The following ZNF326 variants were observed in gnomAD, a reference collection of about 807,000 sequenced individuals.
ZNF326 encodes zinc finger protein 326, also known as DBIRD complex subunit ZNF326.
Under a neutral mutation model 63.1 loss-of-function variants are expected in ZNF326, and 30 were observed. The ratio of observed to expected loss-of-function variants is 0.48; its 90% CI spans 0.36 to 0.64. ZNF326 has a LOEUF of 0.64. ZNF326 is among the 30% of genes least tolerant of loss of function. The probability of loss-of-function intolerance (pLI) is 0.00; values close to 1 mark genes in which losing one functional copy is unlikely to be tolerated. For synonymous variants in ZNF326, 194 were observed against 228.2 expected (o/e 0.85, Z 1.35); for missense variants, 609 against 720.3 (o/e 0.85, Z 1.77).
chr1:90,012,990 C>T lies in ZNF326; in HGVS notation c.815-136C>T, dbSNP rs76270708. ...AGAAATACTGGATAGTCTCAAACTC[C>T]GATTTTTTTGGTGAGTTCAATTTTA... is the stretch of plus-strand genomic sequence containing the variant. On this transcript the variant is annotated intron_variant, in intron 6 of 11. Coordinates refer to ENST00000340281, the MANE Select transcript of ZNF326 (RefSeq NM_182976.4). 2,281 of 587,702 alleles carry T rather than the reference C, an allele frequency of 3.9e-3. 44 individuals carry two copies. The East Asian group carries it at 0.04, about 10-fold the overall frequency. The allele number at this position is 587,702 out of a possible 1,614,324, so 36.4% of individuals were successfully genotyped here. A position where few individuals can be genotyped will look rare whatever the true frequency, so the allele number is the denominator to read the frequency against.
At chr1:90,022,973 G>A (rs1000049871) in intron 11 of ZNF326, among the ~76,000 whole-genome samples, 1 of 152,172 alleles carries the variant, frequency 6.6e-6, no homozygotes, top group African/African-American at 2.4e-5. Context: ...ATGGAATTTG[G>A]CGGGCGGGAG....
chr1:90,003,462 T>C (rs1648799612), intron 2 of ZNF326, among the ~76,000 whole-genome samples: 1 of 152,190 alleles, frequency 6.6e-6, no homozygotes. Context: ...TTTGGACCTT[T>C]ACCACAGGAC....
At chr1:89,998,795 C>T (rs1436564103) in intron 2 of ZNF326, among the ~76,000 whole-genome samples, 1 of 152,068 alleles carries the variant, frequency 6.6e-6, no homozygotes, top group East Asian at 1.9e-4. Context: ...ACAATTAATG[C>T]AGGTTAAAAA....
intron 2 of ZNF326, among the ~76,000 whole-genome samples, chr1:89,999,274 G>A (rs1045674901): frequency 1.3e-5 from 2 of 151,740 alleles, no homozygotes; most frequent in African/African-American, 4.8e-5. Context: ...AAAATTGAGA[G>A]GGTTGAATAA....
Position 89,995,378 on chromosome 1 carries a change from G to C in ZNF326, c.16+105G>C, listed in dbSNP as rs1383157339. 7 of 1,392,486 alleles carry C rather than the reference G, an allele frequency of 5.0e-6. No homozygotes were observed. The Admixed American group carries it at 1.2e-4, about 23-fold the overall frequency. 86.3% of individuals were successfully genotyped at this position (1,392,486 alleles called of 1,614,324 possible). A position where few individuals can be genotyped will look rare whatever the true frequency, so the allele number is the denominator to read the frequency against. On this transcript the variant is annotated intron_variant, in intron 1 of 11. Transcript: ENST00000340281. ...GATGGCCGTGTGGGCTTTGTTCTGC[G>C]GGCCCGGAGGCCGCCCGCCCGCCCC...
In ZNF326 at chr1:90,005,050, A is replaced by G. The variant is rs761811237; in HGVS notation, c.97+12A>G. The G allele has an allele frequency of 6.2e-7, 1 of 1,614,032 alleles. No individual in the cohort carries two copies. On this transcript the variant is annotated intron_variant, in intron 3 of 11. Coordinates refer to ENST00000340281, the MANE Select transcript of ZNF326 (RefSeq NM_182976.4). Reference sequence around the variant, plus strand: ...TGGATCTTATGGAGGTCTGACATTCAAGGATATTTATCTAAAAATTCTTCT... The same window carrying G: ...TGGATCTTATGGAGGTCTGACATTCGAGGATATTTATCTAAAAATTCTTCT...
intron 1 of ZNF326, among the ~76,000 whole-genome samples, chr1:89,995,566 T>C (rs757139871): frequency 3.2e-4 from 48 of 152,196 alleles, no homozygotes; most frequent in Non-Finnish European, 6.9e-4. Context: ...TGGCCCCTGG[T>C]AGTGGAAATT....
chr1:89,999,377 T>A (rs902175206), intron 2 of ZNF326, among the ~76,000 whole-genome samples: 16 of 151,882 alleles, frequency 1.1e-4, no homozygotes, highest in Non-Finnish European at 1.6e-4. Context: ...GGAGAGAGTT[T>A]GTAATGATAA....
At chr1:90,017,272 T>A (rs1349484141) in intron 7 of ZNF326, 45 bp from the exon 8 acceptor site, 1 of 1,349,420 alleles carries the variant, frequency 7.4e-7, no homozygotes, top group Non-Finnish European at 1.0e-6. Flanking sequence ...CTCTTTATAG[T>A]TGAATAAAGT....
Position 90,014,548 on chromosome 1 carries a change from C to T in ZNF326, c.926+1311C>T, listed in dbSNP as rs183379497. On this transcript the variant is annotated intron_variant, in intron 7 of 11. Coordinates refer to ENST00000340281, the MANE Select transcript of ZNF326 (RefSeq NM_182976.4). The stretch of plus-strand genomic sequence containing the variant: ...TGCTAATTAAGGAATGGTCAAAGGA[C>T]GCTTAAAATTTGTTGGTGACAGTAT... Among the ~76,000 whole-genome samples, 15 of 152,186 alleles carry T rather than the reference C, an allele frequency of 9.9e-5. No homozygotes were observed. The South Asian group carries it at 1.2e-3, about 13-fold the overall frequency.
At chr1:90,014,886 T>A (rs1649426594) in intron 7 of ZNF326, among the ~76,000 whole-genome samples, 1 of 152,190 alleles carries the variant, frequency 6.6e-6, no homozygotes, top group Admixed American at 6.5e-5. Flanking sequence ...TCATTTTACA[T>A]TATAAGATGC....
chr1:90,018,859 A>G (rs987424769), intron 9 of ZNF326, 75 bp downstream of exon 9: 3 of 839,250 alleles, frequency 3.6e-6, no homozygotes, highest in Non-Finnish European at 5.4e-6. Flanking sequence ...AATGTAAATG[A>G]TAGCCACTAG....
rs1650119672 is a variant in ZNF326 at position 90,028,345 on chromosome 1, A to G, written c.*644A>G. 7.9e-6 allele frequency: 1 copy of G among 125,990 alleles called. No individual in the cohort carries two copies. The highest frequency in any genetic ancestry group is 8.9e-5 in the Admixed American group (1 of 11,214). The allele number at this position is 125,990 out of a possible 1,614,324, so 7.8% of individuals were successfully genotyped here. Reference sequence around the variant, plus strand: ...CACAAGTATTTTAAGATGATTGAGAAGACTTGAATTAAAGAAAAAAAAATT... The same window carrying G: ...CACAAGTATTTTAAGATGATTGAGAGGACTTGAATTAAAGAAAAAAAAATT... On this transcript the variant is annotated 3_prime_UTR_variant, in exon 12 of 12. Coordinates refer to ENST00000340281, the MANE Select transcript of ZNF326 (RefSeq NM_182976.4).
intron 11 of ZNF326, among the ~76,000 whole-genome samples, chr1:90,026,564 G>A (rs992509538): frequency 3.3e-5 from 5 of 152,040 alleles, no homozygotes; most frequent in Admixed American, 1.3e-4. Context: ...AATAGTGATT[G>A]TAATTTACCT....
Position 90,027,935 on chromosome 1 carries a change from A to G in ZNF326, c.*234A>G. ...CTTAGATCCGATAAATTGTTTGTAT[A>G]ATTTTTAAGCTTAATTTTTATTACT... On this transcript the variant is annotated 3_prime_UTR_variant, in exon 12 of 12. Coordinates refer to ENST00000340281, the MANE Select transcript of ZNF326 (RefSeq NM_182976.4). The G allele has an allele frequency of 2.0e-6, 1 of 497,856 alleles. No homozygotes were observed. Among genetic ancestry groups the G allele is most frequent in the Non-Finnish European group, 3.5e-6 (1 of 285,046 alleles). The allele number at this position is 497,856 out of a possible 1,614,324, so 30.8% of individuals were successfully genotyped here. A position where few individuals can be genotyped will look rare whatever the true frequency, so the allele number is the denominator to read the frequency against.
chr1:90,015,921 T>C (rs1392373904), intron 7 of ZNF326, among the ~76,000 whole-genome samples: 1 of 152,064 alleles, frequency 6.6e-6, no homozygotes, highest in Non-Finnish European at 1.5e-5. Flanking sequence ...AAACATTTAA[T>C]GAAGAAATGC....
In ZNF326 at chr1:90,018,727, C is replaced by G. The variant is rs1196326794; in HGVS notation, c.1117C>G (p.Gln373Glu). 4 of 1,580,126 alleles carry G rather than the reference C, an allele frequency of 2.5e-6. No homozygotes were observed. Among genetic ancestry groups the G allele is most frequent in the South Asian group, 1.2e-5 (1 of 85,688 alleles). Residue 373 changes from glutamine to glutamate, a missense_variant, in exon 9 of 12, where the codon CAA (glutamine) becomes GAA (glutamate). Physicochemically the swap from Gln to Glu is conservative, Grantham distance 29 (BLOSUM62 2). This residue lies in a region of ZNF326 where 399 missense variants were observed against 444.3 expected (regional missense o/e 0.90). Coordinates refer to ENST00000340281, the MANE Select transcript of ZNF326 (RefSeq NM_182976.4). ...ATTCAAGAAAACATCTATTCGTAAG[C>G]AACAGACAAATAATCAAACAGAAGT... The part of the protein sequence containing the change: ...NKFKKTSIRK[Q>E]QTNNQTEVVK...
intron 11 of ZNF326, among the ~76,000 whole-genome samples, chr1:90,025,101 A>G (rs541356240): frequency 6.7e-6 from 1 of 150,092 alleles, no homozygotes; most frequent in Non-Finnish European, 1.5e-5. Context: ...GTCTCTTCCC[A>G]GCATACTTGA....
At chr1:90,018,136 A>T (rs189751195) in intron 8 of ZNF326, among the ~76,000 whole-genome samples, 165 of 152,198 alleles carry the variant, frequency 1.1e-3, no homozygotes, top group Non-Finnish European at 2.1e-3. Flanking sequence ...TACTAAAAAT[A>T]TAAAAATTAG....
Sources: allele counts gnomAD v4.1 joint callset (sites outside exome capture counted in the v4.1 genomes callset), GRCh38; gene constraint gnomAD v4.1.1; regional missense constraint gnomAD v4.1.1; transcripts MANE v1.5; gene names NCBI Gene and HGNC (gene_info 2026-07-23, HGNC 2026-07-21).